Variants in ARF5 observed in about 807,000 individuals in gnomAD.
ARF5 encodes ADP-ribosylation factor 5.
A neutral mutation model predicts 24.8 loss-of-function variants in ARF5; 10 were observed. That is an observed-to-expected ratio of 0.40 (90% CI 0.25 to 0.68). The LOEUF (loss-of-function observed/expected upper bound fraction) is 0.68. Ranked by LOEUF, ARF5 falls within the 30% of genes least tolerant of loss-of-function variation. The pLI, the probability that ARF5 is intolerant of heterozygous loss-of-function variation, is 0.36. For synonymous variants in ARF5, 102 were observed against 95.1 expected, an observed-to-expected ratio of 1.07 and a Z score of -0.42; for missense variants, 135 against 239.2, an observed-to-expected ratio of 0.56 and a Z score of 2.87.
At chr7:127,588,590 C>G (rs921065739) in intron 1 of ARF5, 25 bp downstream of exon 1, 2 of 1,341,386 alleles carry the variant, frequency 1.5e-6, no homozygotes, top group South Asian at 1.9e-5. Flanking sequence ...GCGCGCGGCC[C>G]GGACCGGGGC....
At chr7:127,590,352 A>T (rs1312587469) in intron 4 of ARF5, among the ~76,000 whole-genome samples, 2 of 150,952 alleles carry the variant, frequency 1.3e-5, no homozygotes, top group African/African-American at 4.9e-5. Flanking sequence ...TTTTTTTGAA[A>T]TGGGAGTTTT....
chr7:127,590,887 A>AG (rs1454959196), intron 4 of ARF5, 76 bp from the exon 5 acceptor site: 46 of 1,509,356 alleles, frequency 3.0e-5, no homozygotes, highest in Non-Finnish European at 2.5e-5. Context: ...TCAAGATGCT[A>AG]GGAGGTAGAA....
rs1794279479 is a variant in ARF5, at chr7:127,591,003, T to G, written c.371T>G (p.Phe124Cys). 6.2e-7 allele frequency: 1 copy of G among 1,614,002 alleles called. No individual in the cohort carries two copies. The highest frequency in any genetic ancestry group is 8.5e-7 in the Non-Finnish European group (1 of 1,179,974). The change falls in exon 5 of 6, where the codon TTT becomes TGT. Residue 124 changes from phenylalanine (F) to cysteine (C), a missense_variant. By Grantham distance (205) the Phe-to-Cys change is radical (BLOSUM62 -2). This residue lies in a region of ARF5 where 102 missense variants were observed against 160.9 expected (regional missense o/e 0.63). Coordinates refer to ENST00000000233, the MANE Select transcript of ARF5 (RefSeq NM_001662.4). ...DELRDAVLLV[F>C]ANKQDMPNAM... ...CTGCGGGATGCAGTGCTGCTGGTAT[T>G]TGCCAACAAGCAGGACATGCCCAAC...
In ARF5 at chr7:127,591,405, C is replaced by A; in HGVS notation, c.*106C>A. The A allele has an allele frequency of 1.0e-6, 1 of 985,536 alleles. No individual in the cohort carries two copies. Among genetic ancestry groups the A allele is most frequent in the Non-Finnish European group, 1.5e-6 (1 of 688,090 alleles). 61.0% of individuals were successfully genotyped at this position (985,536 alleles called of 1,614,324 possible). A position where few individuals can be genotyped will look rare whatever the true frequency, so the allele number is the denominator to read the frequency against. ...GTGCCCTTTCCTCCCACTTTTCCTC[C>A]CCCATAGCCACAGGCCTCTGCTCCT... is the stretch of plus-strand genomic sequence containing the variant. On this transcript the variant is annotated 3_prime_UTR_variant, in exon 6 of 6. Transcript: ENST00000000233.
Position 127,591,105 on chromosome 7 carries a change from C to T in ARF5, c.456+17C>T. 1 of 1,613,472 alleles carries T rather than the reference C, an allele frequency of 6.2e-7. No homozygotes were observed. Among genetic ancestry groups the T allele is most frequent in the Admixed American group, 1.7e-5 (1 of 59,762 alleles). On this transcript the variant is annotated intron_variant, in intron 5 of 5. Coordinates refer to ENST00000000233, the MANE Select transcript of ARF5 (RefSeq NM_001662.4). ...AGCCGCACGGTAGGGGTCCTGCCCA[C>T]CTGGTGCTGAATCCTGCCTCTTGAG...
rs1342610436 is a variant in ARF5 at position 127,588,630 on chromosome 7, G to A, written c.67+65G>A. ...GCCCCGGCGCAGCCCTTCCGCCCCC[G>A]CGTCCCTCCAGCCCCGCTCACCTGG... On this transcript the variant is annotated intron_variant, in intron 1 of 5. Coordinates refer to ENST00000000233, the MANE Select transcript of ARF5 (RefSeq NM_001662.4). 44 of 1,275,672 alleles carry A rather than the reference G, an allele frequency of 3.4e-5. No homozygotes were observed. The East Asian group carries it at 1.4e-3, about 39-fold the overall frequency. The allele number at this position is 1,275,672 out of a possible 1,614,324, so 79.0% of individuals were successfully genotyped here. A position where few individuals can be genotyped will look rare whatever the true frequency, so the allele number is the denominator to read the frequency against.
chr7:127,589,098 C>T lies in ARF5; in HGVS notation c.83C>T (p.Ala28Val), dbSNP rs1794247376. 6.2e-7 allele frequency: 1 copy of T among 1,614,126 alleles called. No homozygotes were observed. The highest frequency in any genetic ancestry group is 1.3e-5 in the African/African-American group (1 of 74,954). The change falls in exon 2 of 6, where the codon GCT (alanine) becomes GTT (valine). Residue 28 changes from alanine to valine, a missense_variant. Coordinates refer to ENST00000000233, the MANE Select transcript of ARF5 (RefSeq NM_001662.4). Reference sequence around the variant, plus strand: ...TCCGTTGCAGTTGGCTTGGATGCGGCTGGCAAGACCACAATCCTGTACAAA... The same window carrying T: ...TCCGTTGCAGTTGGCTTGGATGCGGTTGGCAAGACCACAATCCTGTACAAA... The part of the protein sequence containing the change: ...MRILMVGLDA[A>V]GKTTILYKLK...
intron 4 of ARF5, 152 bp from the exon 5 acceptor site, chr7:127,590,811 C>G (rs1794275605): frequency 9.5e-7 from 1 of 1,052,546 alleles, no homozygotes. Context: ...GCTCAGGTCA[C>G]CTCAAGCTCA....
chr7:127,590,165 G>A (rs774086281), intron 4 of ARF5, 28 bp downstream of exon 4: 1 of 1,596,126 alleles, frequency 6.3e-7, no homozygotes, highest in Non-Finnish European at 8.6e-7. Flanking sequence ...TGGGAACTGA[G>A]CCCTCAGCTT....
At chr7:127,588,605 G>A (rs752127884) in intron 1 of ARF5, 40 bp downstream of exon 1, 5 of 1,310,978 alleles carry the variant, frequency 3.8e-6, no homozygotes, top group South Asian at 4.4e-5. Context: ...CGGGGCGCCG[G>A]CCCCGGCGCA....
chr7:127,589,831 C>T lies in ARF5; in HGVS notation c.259-235C>T, dbSNP rs186921350. On this transcript the variant is annotated intron_variant, in intron 3 of 5. Transcript: ENST00000000233. Reference sequence around the variant, plus strand: ...AGGCTGCCTGATTTAGCCCTCATAACATGTCTTTATTTCCTTGCACATCTT... The same window carrying T: ...AGGCTGCCTGATTTAGCCCTCATAATATGTCTTTATTTCCTTGCACATCTT... 1.2e-4 allele frequency: 75 copies of T among 609,010 alleles called. No individual in the cohort carries two copies. In the African/African-American group the frequency reaches 1.3e-3, roughly 10 times the overall value. The allele number at this position is 609,010 out of a possible 1,614,324, so 37.7% of individuals were successfully genotyped here.
rs200093249 is a variant in ARF5 at position 127,589,479 on chromosome 7, C to T, written c.149-6C>T. ...TTTCTCATCTTTTTTTTCCAATTAT[C>T]TGCAGGCTTCAATGTAGAAACAGTG... On this transcript the variant is annotated splice_polypyrimidine_tract_variant and splice_region_variant and intron_variant, in intron 2 of 5. Coordinates refer to ENST00000000233, the MANE Select transcript of ARF5 (RefSeq NM_001662.4). 1.8e-4 allele frequency: 293 copies of T among 1,600,518 alleles called. 1 individual carries two copies. Among genetic ancestry groups the T allele is most frequent in the Middle Eastern group, 6.6e-4 (4 of 6,028 alleles).
Position 127,588,948 on chromosome 7 carries a change from A to T in ARF5, c.68-135A>T, listed in dbSNP as rs995394218. ...CGACTGCCCTCCAGGCCTCAAAGGTAGATAACGACGCGCACCTGGAGGCGC... is the reference window on the plus strand; with the variant it reads ...CGACTGCCCTCCAGGCCTCAAAGGTTGATAACGACGCGCACCTGGAGGCGC... On this transcript the variant is annotated intron_variant, in intron 1 of 5. Transcript: ENST00000000233. 4.0e-6 allele frequency: 4 copies of T among 1,008,362 alleles called. No individual in the cohort carries two copies. In the African/African-American group the frequency reaches 4.8e-5, roughly 12 times the overall value. The allele number at this position is 1,008,362 out of a possible 1,614,324, so 62.5% of individuals were successfully genotyped here.
In ARF5 at chr7:127,590,154, C is replaced by G. The variant is rs1468312609; in HGVS notation, c.330+17C>G. ...CAGAAGATGGTGAGTACCCAGAGCC[C>G]TGGGAACTGAGCCCTCAGCTTGGGG... On this transcript the variant is annotated intron_variant, in intron 4 of 5. Coordinates refer to ENST00000000233, the MANE Select transcript of ARF5 (RefSeq NM_001662.4). 4 of 1,610,372 alleles carry G rather than the reference C, an allele frequency of 2.5e-6. No homozygotes were observed. Among genetic ancestry groups the G allele is most frequent in the Non-Finnish European group, 3.4e-6 (4 of 1,176,878 alleles).
chr7:127,589,791 C>G (rs553236614), intron 3 of ARF5, 197 bp downstream of exon 3: 1 of 611,392 alleles, frequency 1.6e-6, no homozygotes, highest in Non-Finnish European at 2.9e-6. Flanking sequence ...TCTTTAGAAG[C>G]AGGATTCTGG....
In ARF5 at chr7:127,591,355, A is replaced by G; in HGVS notation, c.*56A>G. The G allele has an allele frequency of 6.9e-7, 1 of 1,456,822 alleles. No individual in the cohort carries two copies. The highest frequency in any genetic ancestry group is 9.2e-7 in the Non-Finnish European group (1 of 1,086,298). 90.2% of individuals were successfully genotyped at this position (1,456,822 alleles called of 1,614,324 possible). ...AGCTCCTGCGTGCATCCCCGGGATG[A>G]CCAGACTCCCGGACTCCTCAGGCAG... On this transcript the variant is annotated 3_prime_UTR_variant, in exon 6 of 6. Transcript: ENST00000000233.
chr7:127,590,301 G>A (rs948648856), intron 4 of ARF5, among the ~76,000 whole-genome samples, 164 bp downstream of exon 4: 1 of 151,948 alleles, frequency 6.6e-6, no homozygotes. Context: ...TTGGATGGGA[G>A]TGACTTTTTC....
intron 1 of ARF5, 65 bp from the exon 2 acceptor site, chr7:127,589,018 C>G: frequency 6.3e-7 from 1 of 1,578,890 alleles, no homozygotes; most frequent in Non-Finnish European, 8.7e-7. Flanking sequence ...TGGCCTCTCC[C>G]TTTCCCTGGT....
Position 127,591,106 on chromosome 7 carries a change from C to G in ARF5, c.456+18C>G. 1 of 1,613,502 alleles carries G rather than the reference C, an allele frequency of 6.2e-7. No individual in the cohort carries two copies. Among genetic ancestry groups the G allele is most frequent in the South Asian group, 1.1e-5 (1 of 91,032 alleles). On this transcript the variant is annotated intron_variant, in intron 5 of 5. Transcript: ENST00000000233. ...GCCGCACGGTAGGGGTCCTGCCCAC[C>G]TGGTGCTGAATCCTGCCTCTTGAGG...
Sources: gnomAD v4.1 joint callset for allele counts (sites outside exome capture counted in the v4.1 genomes callset) on GRCh38, gnomAD v4.1.1 for gene constraint, gnomAD v4.1.1 regional missense constraint, MANE v1.5 for transcripts, NCBI Gene and HGNC (gene_info 2026-07-23, HGNC 2026-07-21) for gene names.